The following CARMIL1 variants were observed in gnomAD, a reference collection of about 807,000 sequenced individuals.
CARMIL1 encodes the protein F-actin-uncapping protein LRRC16A.
Under a neutral mutation model 177.1 loss-of-function variants are expected in CARMIL1, and 90 were observed. The ratio of observed to expected loss-of-function variants is 0.51; its 90% CI spans 0.43 to 0.61. The LOEUF is 0.61. CARMIL1 is among the 20% of genes least tolerant of loss of function. The pLI is 0.00. For synonymous variants in CARMIL1, 577 were observed against 606.2 expected, an observed-to-expected ratio of 0.95 and a Z score of 0.71; for missense variants, 1,380 against 1,667.0, an observed-to-expected ratio of 0.83 and a Z score of 3.00.
chr6:25,443,070 T>C (rs1298338760), intron 5 of CARMIL1, among the ~76,000 whole-genome samples: 1 of 152,214 alleles, frequency 6.6e-6, no homozygotes, highest in Admixed American at 6.5e-5. Flanking sequence ...CAAAAGAGCA[T>C]GGCCTGCAGT....
intron 3 of CARMIL1, 72 bp from the exon 4 acceptor site, chr6:25,426,429 T>TTAA: frequency 2.0e-6 from 2 of 1,006,690 alleles, no homozygotes; most frequent in Non-Finnish European, 2.9e-6. Context: ...TTTTTTTTTT[T>TTAA]ACCTTAAGTT....
chr6:25,576,765 T>A (rs1055411470), intron 29 of CARMIL1, among the ~76,000 whole-genome samples: 1 of 152,204 alleles, frequency 6.6e-6, no homozygotes, highest in Non-Finnish European at 1.5e-5. Context: ...ATTGTGCTTC[T>A]GCTTATAAAA....
intron 5 of CARMIL1, among the ~76,000 whole-genome samples, chr6:25,447,139 A>C (rs1798311531): frequency 6.6e-6 from 1 of 152,234 alleles, no homozygotes; most frequent in Admixed American, 6.5e-5. Flanking sequence ...AATGGCACTG[A>C]TAGATTTGCT....
At chr6:25,560,149 T>C (rs1810977170) in intron 29 of CARMIL1, among the ~76,000 whole-genome samples, 1 of 152,210 alleles carries the variant, frequency 6.6e-6, no homozygotes, top group African/African-American at 2.4e-5. Context: ...GGACCTGTTA[T>C]CTGCTGGAGG....
At chr6:25,422,766 A>G (rs143273130) in intron 3 of CARMIL1, among the ~76,000 whole-genome samples, 206 of 152,294 alleles carry the variant, frequency 1.4e-3, no homozygotes, top group African/African-American at 4.9e-3. Flanking sequence ...AAAAATATGC[A>G]TACCCTAACA....
intron 2 of CARMIL1, among the ~76,000 whole-genome samples, chr6:25,414,185 T>C (rs936701617): frequency 2.6e-5 from 4 of 152,222 alleles, no homozygotes; most frequent in Non-Finnish European, 5.9e-5. Flanking sequence ...TCTGTAATTC[T>C]GTAATCTCTA....
At chr6:25,576,530 C>T (rs1160773479) in intron 29 of CARMIL1, among the ~76,000 whole-genome samples, 1 of 152,146 alleles carries the variant, frequency 6.6e-6, no homozygotes, top group Non-Finnish European at 1.5e-5. Flanking sequence ...TACACTGTCC[C>T]CACTTAGTTG....
chr6:25,589,284 C>T (rs2151279664), intron 31 of CARMIL1, among the ~76,000 whole-genome samples: 1 of 152,292 alleles, frequency 6.6e-6, no homozygotes, highest in South Asian at 2.1e-4. Flanking sequence ...TCTGGAGTGG[C>T]ACGTGGTATC....
chr6:25,614,875 C>T (rs1482431503), intron 36 of CARMIL1, among the ~76,000 whole-genome samples: 1 of 152,182 alleles, frequency 6.6e-6, no homozygotes, highest in Non-Finnish European at 1.5e-5. Context: ...CTATATCTGT[C>T]TCAGATTTGT....
At chr6:25,461,871 C>G (rs542102632) in intron 8 of CARMIL1, among the ~76,000 whole-genome samples, 72 of 151,984 alleles carry the variant, frequency 4.7e-4, no homozygotes, top group Admixed American at 1.9e-3. Context: ...TATTTTTTCT[C>G]TTTTTTAAAC....
chr6:25,347,573 G>A (rs954013827), intron 2 of CARMIL1, among the ~76,000 whole-genome samples: 3 of 152,220 alleles, frequency 2.0e-5, no homozygotes, highest in African/African-American at 7.2e-5. Context: ...ACATTTTTGA[G>A]TGGGGTATGG....
In CARMIL1 at chr6:25,551,045, C is replaced by T. The variant is rs1220388063; in HGVS notation, c.2464C>T (p.Leu822=). Residue 822 remains leucine, a synonymous_variant, in exon 27 of 37, where the codon CTG becomes TTG. Transcript: ENST00000329474. ...TCCACGTACCTTTGTTAAAAATGTCCTGTTGGAGCAGTCTGGAATTGATAT... is the reference window on the plus strand; with the variant it reads ...TCCACGTACCTTTGTTAAAAATGTCTTGTTGGAGCAGTCTGGAATTGATAT... ...SIPRTFVKNV[L]LEQSGIDILN... is the part of the protein sequence containing the mutation. 1 of 1,613,444 alleles carries T rather than the reference C, an allele frequency of 6.2e-7. No homozygotes were observed. Among genetic ancestry groups the T allele is most frequent in the South Asian group, 1.1e-5 (1 of 91,066 alleles).
intron 36 of CARMIL1, chr6:25,612,709 A>G (rs930292628): frequency 1.9e-5 from 18 of 966,900 alleles, no homozygotes; most frequent in Non-Finnish European, 2.2e-5. Context: ...TAATAATATA[A>G]AGGGTAAAAT....
intron 2 of CARMIL1, among the ~76,000 whole-genome samples, chr6:25,307,190 C>A (rs115975122): frequency 0.028 from 4,257 of 152,238 alleles, 73 homozygotes; most frequent in Non-Finnish European, 0.038. Flanking sequence ...CGCCCTGGTC[C>A]TTTTGAAACT....
intron 3 of CARMIL1, among the ~76,000 whole-genome samples, chr6:25,421,260 A>G (rs1581882339): frequency 6.6e-6 from 1 of 152,222 alleles, no homozygotes; most frequent in African/African-American, 2.4e-5. Context: ...GCAGCCAAAA[A>G]ACACATGAAA....
chr6:25,454,276 T>C (rs1028657061), intron 8 of CARMIL1, among the ~76,000 whole-genome samples: 1 of 152,190 alleles, frequency 6.6e-6, no homozygotes, highest in Non-Finnish European at 1.5e-5. Context: ...AAGGACCAGA[T>C]AGTAAATATT....
intron 31 of CARMIL1, among the ~76,000 whole-genome samples, chr6:25,581,679 T>G (rs1269315010): frequency 6.6e-6 from 1 of 152,178 alleles, no homozygotes; most frequent in African/African-American, 2.4e-5. Flanking sequence ...CTGTAAAATT[T>G]CCGATTCTTC....
intron 2 of CARMIL1, among the ~76,000 whole-genome samples, chr6:25,418,957 CAT>C (rs1795606242): frequency 6.6e-6 from 1 of 152,150 alleles, no homozygotes; most frequent in Non-Finnish European, 1.5e-5. Flanking sequence ...ACCGTGATGA[CAT>C]ATGATTATTC....
At chr6:25,615,137 A>G (rs1468498915) in intron 36 of CARMIL1, among the ~76,000 whole-genome samples, 1 of 152,228 alleles carries the variant, frequency 6.6e-6, no homozygotes, top group Non-Finnish European at 1.5e-5. Context: ...CTGCTTTCTG[A>G]ATAGTTCCTG....
Sources: gnomAD v4.1 joint callset for allele counts (sites outside exome capture counted in the v4.1 genomes callset) on GRCh38, gnomAD v4.1.1 for gene constraint, MANE v1.5 for transcripts, NCBI Gene and HGNC (gene_info 2026-07-23, HGNC 2026-07-21) for gene names.